Variants in GPR35 observed in about 807,000 individuals in gnomAD.
GPR35 encodes the protein G protein-coupled receptor 35, also known as KYNA receptor.
For missense variants in GPR35, 372 were observed against 422.5 expected (o/e 0.88, Z 1.05); for synonymous variants, 207 against 198.4 (o/e 1.04, Z -0.36).
Position 240,630,351 on chromosome 2 carries a change from T to A in GPR35, c.399T>A (p.Ala133=), listed in dbSNP as rs755895284. ...GCGGGCTGCGGTCCCCCAGGCAGGC[T>A]GCGGCCGTGTGCGCGGTCCTCTGGG... ...RARGLRSPRQ[A]AAVCAVLWVL... Residue 133 remains alanine (A), a synonymous_variant, in exon 2 of 2, where the codon GCT becomes GCA. Coordinates refer to ENST00000407714, the MANE Select transcript of GPR35 (RefSeq NM_005301.5). 35 of 1,603,900 alleles carry A rather than the reference T, an allele frequency of 2.2e-5. No individual in the cohort carries two copies. The highest frequency in any genetic ancestry group is 2.8e-5 in the Non-Finnish European group (33 of 1,178,140).
At position 240,630,173 on chromosome 2, in the gene GPR35, C is replaced by T. The variant is rs369256707; in HGVS notation, c.221C>T (p.Pro74Leu). ...VADLCLLCTL[P>L]FVLHSLRDTS... ...GACCTCTGCCTGCTGTGCACCTTGC[C>T]CTTCGTGCTGCACTCCCTGCGAGAC... Residue 74 changes from proline to leucine, a missense_variant, in exon 2 of 2, where the codon CCC becomes CTC. By Grantham distance (98) the Pro-to-Leu change is moderately conservative. Transcript: ENST00000407714. 6.3e-7 allele frequency: 1 copy of T among 1,592,842 alleles called. No homozygotes were observed. Among genetic ancestry groups the T allele is most frequent in the Non-Finnish European group, 8.5e-7 (1 of 1,172,580 alleles).
chr2:240,605,539 G>C (rs1328992033), exon 1 of GPR35: 2 of 152,368 alleles, frequency 1.3e-5, no homozygotes, highest in African/African-American at 4.8e-5. Context: ...CTCCAGGCTT[G>C]GGCCAGCCTT....
chr2:240,613,933 G>A (rs1014852090), intron 2 of GPR35, among the ~76,000 whole-genome samples: 3 of 143,760 alleles, frequency 2.1e-5, no homozygotes, highest in Non-Finnish European at 3.0e-5. Flanking sequence ...AACCCTAACC[G>A]AAACTCTAAC....
chr2:240,630,478 C>T lies in GPR35; in HGVS notation c.526C>T (p.Pro176Ser). Reference protein sequence around the residue: ...TRHNFNSMAFPLLGFYLPLAV... With the variant: ...TRHNFNSMAFSLLGFYLPLAV... ...GCACAATTTCAACTCCATGGCGTTC[C>T]CGCTGCTGGGATTCTACCTGCCCCT... is the stretch of plus-strand genomic sequence containing the variant. Residue 176 changes from proline to serine, a missense_variant, in exon 2 of 2, where the codon CCG becomes TCG. Physicochemically the swap from Pro to Ser is moderately conservative, Grantham distance 74 (BLOSUM62 -1). Coordinates refer to ENST00000407714, the MANE Select transcript of GPR35 (RefSeq NM_005301.5). 1 of 1,612,950 alleles carries T rather than the reference C, an allele frequency of 6.2e-7. No individual in the cohort carries two copies. Among genetic ancestry groups the T allele is most frequent in the Non-Finnish European group, 8.5e-7 (1 of 1,179,968 alleles).
intron 1 of GPR35, among the ~76,000 whole-genome samples, chr2:240,626,971 T>A (rs1019757170): frequency 2.0e-5 from 3 of 152,192 alleles, no homozygotes; most frequent in African/African-American, 7.2e-5. Flanking sequence ...TCTGCTTTTG[T>A]GTGCAGAAGC....
chr2:240,621,141 C>T (rs1204336894), upstream of GPR35, among the ~76,000 whole-genome samples: 1 of 152,248 alleles, frequency 6.6e-6, no homozygotes, highest in Non-Finnish European at 1.5e-5. Flanking sequence ...CACTGGTCTG[C>T]CTGAGCTGCT....
At chr2:240,624,105 T>C (rs183160450), upstream of GPR35, among the ~76,000 whole-genome samples, 1 of 152,210 alleles carries the variant, frequency 6.6e-6, no homozygotes, top group African/African-American at 2.4e-5. Flanking sequence ...GAAGGAGCAC[T>C]CCTGGGAGAT....
chr2:240,630,390 C>G lies in GPR35; in HGVS notation c.438C>G (p.Gly146=), dbSNP rs199812044. 6.2e-7 allele frequency: 1 copy of G among 1,611,440 alleles called. No homozygotes were observed. The highest frequency in any genetic ancestry group is 2.2e-5 in the East Asian group (1 of 44,872). Residue 146 remains glycine (G), a synonymous_variant, in exon 2 of 2, where the codon GGC becomes GGG. Transcript: ENST00000407714. ...VCAVLWVLVI[G]SLVARWLLGI... ...CGGTCCTCTGGGTGCTGGTCATCGG[C>G]TCCCTGGTGGCTCGCTGGCTCCTGG...
rs1462813952 is a variant in GPR35 at position 240,632,891 on chromosome 2, A to C, written c.*2009A>C. Among the ~76,000 whole-genome samples the C allele has an allele frequency of 6.6e-6, 1 of 152,206 alleles. No individual in the cohort carries two copies. The highest frequency in any genetic ancestry group is 1.5e-5 in the Non-Finnish European group (1 of 68,028). ...ATCTTGAATTGTAATCCCTATAATAACCATAGTCCCCATGTGTCAAGGGAG... is the reference window on the plus strand; with the variant it reads ...ATCTTGAATTGTAATCCCTATAATACCCATAGTCCCCATGTGTCAAGGGAG... On this transcript the variant is annotated 3_prime_UTR_variant, in exon 2 of 2. Coordinates refer to ENST00000407714, the MANE Select transcript of GPR35 (RefSeq NM_005301.5).
At chr2:240,629,898 T>C (rs999177456) in intron 1 of GPR35, 51 bp from the exon 2 acceptor site, 1 of 1,492,108 alleles carries the variant, frequency 6.7e-7, no homozygotes, top group Non-Finnish European at 9.1e-7. Flanking sequence ...GGCAGTGCCT[T>C]GCTCCCCCTG....
rs545373520 is a variant in GPR35, at chr2:240,619,915, A to G, written c.-5+884A>G. On this transcript the variant is annotated intron_variant, in intron 5 of 5. Transcript: ENST00000319838. Reference sequence around the variant, plus strand: ...GGGCGAGTGAGTTGGGAGGGCCTCAAGCGGGGGCCCGATGGCTCTCTCTGC... The same window carrying G: ...GGGCGAGTGAGTTGGGAGGGCCTCAGGCGGGGGCCCGATGGCTCTCTCTGC... Among the ~76,000 whole-genome samples the G allele has an allele frequency of 5.1e-4, 78 of 152,272 alleles. 1 individual carries two copies. Among genetic ancestry groups the G allele is most frequent in the African/African-American group, 1.6e-3 (67 of 41,570 alleles).
chr2:240,613,631 G>A (rs1216932763), intron 2 of GPR35, among the ~76,000 whole-genome samples: 11 of 151,648 alleles, frequency 7.3e-5, no homozygotes, highest in African/African-American at 1.2e-4. Context: ...AAACCCTAAC[G>A]AAAACTCTAA....
intron 2 of GPR35, chr2:240,616,315 G>A (rs924198666): frequency 3.2e-5 from 22 of 690,978 alleles, no homozygotes; most frequent in African/African-American, 1.8e-4. Flanking sequence ...CGAGGTCCCC[G>A]CGGTCCCGGC....
In GPR35 at chr2:240,631,794, C is replaced by A. The variant is rs1007887969; in HGVS notation, c.*912C>A. The stretch of plus-strand genomic sequence containing the variant: ...CTGGAAGGACAGGGCACTCCAGAGA[C>A]CTCCTGTGAGTGTGGGCCAGCACGG... On this transcript the variant is annotated 3_prime_UTR_variant, in exon 2 of 2. Transcript: ENST00000407714. Among the ~76,000 whole-genome samples, 10 of 152,216 alleles carry A rather than the reference C, an allele frequency of 6.6e-5. No individual in the cohort carries two copies. The highest frequency in any genetic ancestry group is 3.3e-4 in the Admixed American group (5 of 15,286).
chr2:240,611,896 C>T (rs536625949), intron 2 of GPR35, among the ~76,000 whole-genome samples: 4 of 152,146 alleles, frequency 2.6e-5, no homozygotes, highest in South Asian at 4.1e-4. Flanking sequence ...GAGTCCAGGA[C>T]CAAACCCTGA....
chr2:240,605,437 T>C (rs575660885), exon 1 of GPR35: 6 of 152,470 alleles, frequency 3.9e-5, no homozygotes, highest in African/African-American at 1.4e-4. Context: ...CTTCCTTTAG[T>C]CACTTCCAGC....
rs115643804 is a variant in GPR35, at chr2:240,631,707, C to T, written c.*825C>T. 6.7e-3 allele frequency among the ~76,000 whole-genome samples: 1,016 copies of T among 152,264 alleles called. 8 individuals are homozygous for T. The highest frequency in any genetic ancestry group is 0.023 in the African/African-American group (957 of 41,546). On this transcript the variant is annotated 3_prime_UTR_variant, in exon 2 of 2. Transcript: ENST00000407714. ...TTGGGTGCCCACTCAGGTAAAGGCA[C>T]GATGTCCTGCTGGTTTCTGCCTCTC...
chr2:240,608,098 C>G (rs2043152513), intron 2 of GPR35, among the ~76,000 whole-genome samples: 1 of 152,102 alleles, frequency 6.6e-6, no homozygotes, highest in African/African-American at 2.4e-5. Context: ...TGCTATGTTG[C>G]TCGGGCTGGT....
At chr2:240,621,168 C>T (rs2043289120), upstream of GPR35, among the ~76,000 whole-genome samples, 1 of 152,248 alleles carries the variant, frequency 6.6e-6, no homozygotes, top group South Asian at 2.1e-4. Flanking sequence ...GCAAGTGAGG[C>T]ACTGGCCTCG....
Sources: allele counts gnomAD v4.1 joint callset (sites outside exome capture counted in the v4.1 genomes callset), GRCh38; gene constraint gnomAD v4.1.1; transcripts MANE v1.5; gene names NCBI Gene and HGNC (gene_info 2026-07-23, HGNC 2026-07-21).